The following DOK6 variants were observed in gnomAD, a reference collection of about 807,000 sequenced individuals.
DOK6 encodes the protein downstream of tyrosine kinase 6.
DOK6 carries 22 observed loss-of-function variants against 44.0 expected under a neutral mutation model. That is an observed-to-expected ratio of 0.50 (90% CI 0.36 to 0.71). The LOEUF (loss-of-function observed/expected upper bound fraction) is 0.71. Among genes scored for constraint, DOK6 ranks in the 30% least tolerant of loss-of-function variants. DOK6 has a pLI of 0.00. For missense variants in DOK6, 340 were observed against 416.4 expected, an observed-to-expected ratio of 0.82 and a Z score of 1.60; for synonymous variants, 166 against 145.5, an observed-to-expected ratio of 1.14 and a Z score of -1.01.
intron 1 of DOK6, among the ~76,000 whole-genome samples, chr18:69,563,976 C>T (rs1170930160): frequency 6.6e-6 from 1 of 151,996 alleles, no homozygotes; most frequent in Non-Finnish European, 1.5e-5. Context: ...TACAGAAGTT[C>T]AAAAGTGTGA....
chr18:69,466,152 A>C (rs1979920677), intron 1 of DOK6, among the ~76,000 whole-genome samples: 1 of 152,194 alleles, frequency 6.6e-6, no homozygotes, highest in Non-Finnish European at 1.5e-5. Flanking sequence ...ACCCTTTGAC[A>C]AACATTATTC....
At chr18:69,826,234 A>C (rs1981736362) in intron 7 of DOK6, among the ~76,000 whole-genome samples, 1 of 152,192 alleles carries the variant, frequency 6.6e-6, no homozygotes, top group South Asian at 2.1e-4. Flanking sequence ...TATTTGACCC[A>C]AAGTAAGCTG....
intron 1 of DOK6, among the ~76,000 whole-genome samples, chr18:69,436,154 A>T (rs534690389): frequency 1.3e-5 from 2 of 148,302 alleles, no homozygotes; most frequent in Non-Finnish European, 3.0e-5. Context: ...GTCTTGATAC[A>T]TATACGAATT....
At chr18:69,408,751 G>A (rs1263202423) in intron 1 of DOK6, among the ~76,000 whole-genome samples, 1 of 152,148 alleles carries the variant, frequency 6.6e-6, no homozygotes, top group Non-Finnish European at 1.5e-5. Flanking sequence ...CCCAGGCATT[G>A]ACAGTACTCA....
At chr18:69,705,930 A>C (rs960014149) in intron 5 of DOK6, among the ~76,000 whole-genome samples, 14 of 151,814 alleles carry the variant, frequency 9.2e-5, no homozygotes, top group South Asian at 4.2e-4. Context: ...AAAAAAAAAA[A>C]AACACTCCAT....
chr18:69,424,756 C>A lies in DOK6; in HGVS notation c.66+23446C>A, dbSNP rs115655414. Among the ~76,000 whole-genome samples the A allele has an allele frequency of 5.4e-3, 826 of 152,054 alleles. 7 individuals are homozygous for A. The highest frequency in any genetic ancestry group is 0.017 in the African/African-American group (724 of 41,484). On this transcript the variant is annotated intron_variant, in intron 1 of 7. Coordinates refer to ENST00000382713, the MANE Select transcript of DOK6 (RefSeq NM_152721.6). ...GATCTTTAATCAATGTCTAATTAATCCTTATTTCAGGGTTTGAGTTTGGGA... is the reference window on the plus strand; with the variant it reads ...GATCTTTAATCAATGTCTAATTAATACTTATTTCAGGGTTTGAGTTTGGGA...
chr18:69,698,320 G>A (rs1986433379), intron 4 of DOK6, 84 bp from the exon 5 acceptor site: 2 of 1,267,128 alleles, frequency 1.6e-6, no homozygotes, highest in South Asian at 1.5e-5. Context: ...CCTGCAGTCT[G>A]TAGATAAACA....
intron 3 of DOK6, among the ~76,000 whole-genome samples, chr18:69,618,204 A>G (rs1362621223): frequency 6.6e-6 from 1 of 152,174 alleles, no homozygotes; most frequent in Non-Finnish European, 1.5e-5. Flanking sequence ...ACTGTGACAG[A>G]ATACATTTCT....
At chr18:69,498,150 A>T (rs540455762) in intron 1 of DOK6, among the ~76,000 whole-genome samples, 124 of 152,348 alleles carry the variant, frequency 8.1e-4, no homozygotes, top group Non-Finnish European at 6.8e-4. Context: ...AGATCAGAAT[A>T]CTTAGAAAAT....
chr18:69,703,046 G>A (rs1381868412), intron 5 of DOK6, among the ~76,000 whole-genome samples: 6 of 83,644 alleles, frequency 7.2e-5, no homozygotes, highest in Non-Finnish European at 1.2e-4. Context: ...TGCTCTCTCC[G>A]AGGGGGAAAA....
chr18:69,466,908 T>C (rs1207040383), intron 1 of DOK6, among the ~76,000 whole-genome samples: 1 of 152,180 alleles, frequency 6.6e-6, no homozygotes, highest in East Asian at 1.9e-4. Context: ...GTTACTTTTA[T>C]ATTGATACTG....
At chr18:69,699,187 T>C (rs188399635) in intron 5 of DOK6, among the ~76,000 whole-genome samples, 3 of 152,244 alleles carry the variant, frequency 2.0e-5, no homozygotes, top group Admixed American at 2.0e-4. Context: ...TATGACCCCA[T>C]TGTAGTATTG....
At chr18:69,817,647 C>T (rs2145121149) in intron 7 of DOK6, among the ~76,000 whole-genome samples, 1 of 152,136 alleles carries the variant, frequency 6.6e-6, no homozygotes, top group African/African-American at 2.4e-5. Flanking sequence ...GCCTTAGGAC[C>T]CACCCTTGTG....
chr18:69,785,756 A>G (rs922255123), intron 7 of DOK6, among the ~76,000 whole-genome samples: 2 of 152,084 alleles, frequency 1.3e-5, no homozygotes, highest in African/African-American at 4.8e-5. Context: ...GTTGTCCATT[A>G]TATTATTCAT....
chr18:69,480,625 A>G (rs935997687), intron 1 of DOK6, among the ~76,000 whole-genome samples: 7 of 152,170 alleles, frequency 4.6e-5, no homozygotes, highest in African/African-American at 1.4e-4. Context: ...TCAGTTGAAC[A>G]CAAGGATATT....
At chr18:69,768,306 G>T (rs1979781478) in intron 7 of DOK6, among the ~76,000 whole-genome samples, 1 of 151,978 alleles carries the variant, frequency 6.6e-6, no homozygotes, top group Non-Finnish European at 1.5e-5. Context: ...TCTTTGTCAT[G>T]TATATGTATA....
chr18:69,814,861 G>T (rs1599340374), intron 7 of DOK6, among the ~76,000 whole-genome samples: 1 of 152,138 alleles, frequency 6.6e-6, no homozygotes, highest in Non-Finnish European at 1.5e-5. Context: ...TTCAAGATGA[G>T]ATTTGGGTGA....
At chr18:69,661,626 T>C (rs1985530284) in intron 3 of DOK6, 1 of 152,240 alleles carries the variant, frequency 6.6e-6, no homozygotes, top group Non-Finnish European at 1.5e-5. Flanking sequence ...ATAGCAGCTC[T>C]AAATGTTAGA....
intron 4 of DOK6, among the ~76,000 whole-genome samples, chr18:69,685,549 G>A (rs1461885271): frequency 6.6e-6 from 1 of 152,112 alleles, no homozygotes; most frequent in African/African-American, 2.4e-5. Flanking sequence ...CATTCACATT[G>A]GGTGCACATT....
Sources: allele counts gnomAD v4.1 joint callset (sites outside exome capture counted in the v4.1 genomes callset), GRCh38; gene constraint gnomAD v4.1.1; transcripts MANE v1.5; gene names NCBI Gene and HGNC (gene_info 2026-07-23, HGNC 2026-07-21).